RANBP2: variants seen among roughly 807,000 people sequenced by gnomAD.
RANBP2 encodes the protein RAN binding protein 2.
In RANBP2, 57 loss-of-function variants were observed where a neutral mutation model predicts 303.6. The ratio of observed to expected loss-of-function variants is 0.19; its 90% CI spans 0.15 to 0.23. The LOEUF (loss-of-function observed/expected upper bound fraction) is 0.23, where lower values mean the gene tolerates loss of function less well. Ranked by LOEUF, RANBP2 falls within the 10% of genes least tolerant of loss-of-function variation. RANBP2 has a pLI of 1.00. For synonymous variants in RANBP2, 1,167 were observed against 1,301.5 expected, an observed-to-expected ratio of 0.90 and a Z score of 2.23; for missense variants, 3,138 against 3,780.8, an observed-to-expected ratio of 0.83 and a Z score of 4.46.
the RANBP2 span, among the ~76,000 whole-genome samples, chr2:109,491,766 G>GT: frequency 6.6e-6 from 1 of 152,188 alleles, no homozygotes; most frequent in African/African-American, 2.4e-5. Flanking sequence ...CCTACACATT[G>GT]TAACATTGCT....
the RANBP2 span, among the ~76,000 whole-genome samples, chr2:109,428,229 G>A: frequency 1.3e-5 from 2 of 152,354 alleles, no homozygotes; most frequent in African/African-American, 2.4e-5. Flanking sequence ...TTTAGAAGAC[G>A]TATGAGCAAG....
the RANBP2 span, among the ~76,000 whole-genome samples, chr2:108,900,571 A>AAAAAAAAAAAAAC: frequency 2.0e-5 from 3 of 147,416 alleles, no homozygotes; most frequent in Admixed American, 6.7e-5. Context: ...AAAAAAAAAA[A>AAAAAAAAAAAAAC]AACAAAAAAC....
At chr2:108,969,661 A>G in the RANBP2 span, among the ~76,000 whole-genome samples, 1 of 152,244 alleles carries the variant, frequency 6.6e-6, no homozygotes, top group African/African-American at 2.4e-5. Flanking sequence ...TAAAGAAAAG[A>G]TATTTATTAA....
the RANBP2 span, chr2:108,805,125 T>C: frequency 2.2e-6 from 1 of 446,914 alleles, no homozygotes; most frequent in Non-Finnish European, 3.8e-6. Context: ...TGGATTACAT[T>C]TGTTAGCTTT....
At chr2:109,094,794 C>T in the RANBP2 span, among the ~76,000 whole-genome samples, 1 of 152,126 alleles carries the variant, frequency 6.6e-6, no homozygotes, top group Admixed American at 6.5e-5. Context: ...CATGTCATTG[C>T]ACTCCAGCCT....
At chr2:109,406,930 G>A in the RANBP2 span, among the ~76,000 whole-genome samples, 21 of 152,362 alleles carry the variant, frequency 1.4e-4, no homozygotes, top group South Asian at 8.3e-4. Flanking sequence ...GTCCCCAGGT[G>A]CCACTTCCCT....
chr2:109,138,826 G>T, the RANBP2 span, among the ~76,000 whole-genome samples: 4 of 152,200 alleles, frequency 2.6e-5, no homozygotes, highest in African/African-American at 9.6e-5. Context: ...CCACACATAT[G>T]TACTGACTGC....
At chr2:108,900,089 A>G in the RANBP2 span, among the ~76,000 whole-genome samples, 2 of 152,238 alleles carry the variant, frequency 1.3e-5, no homozygotes, top group South Asian at 4.1e-4. Context: ...TAAAATCAAA[A>G]TGTATCACTC....
intron 19 of RANBP2, 121 bp from the exon 20 acceptor site, chr2:108,763,116 T>C: frequency 8.6e-7 from 1 of 1,156,124 alleles, no homozygotes; most frequent in Non-Finnish European, 1.3e-6. Flanking sequence ...GTGTACTACA[T>C]CCCCTAATGA....
chr2:109,482,294 A>T, the RANBP2 span, among the ~76,000 whole-genome samples: 1 of 152,164 alleles, frequency 6.6e-6, no homozygotes, highest in Non-Finnish European at 1.5e-5. Flanking sequence ...AATAATTATC[A>T]TTATATTTAG....
At chr2:109,189,382 C>CTTT in the RANBP2 span, among the ~76,000 whole-genome samples, 1 of 104,288 alleles carries the variant, frequency 9.6e-6, no homozygotes, top group Non-Finnish European at 2.1e-5. Context: ...TTTTTTTTTT[C>CTTT]TTTTTTTTGA....
At chr2:109,643,575 C>T in the RANBP2 span, among the ~76,000 whole-genome samples, 4 of 151,806 alleles carry the variant, frequency 2.6e-5, no homozygotes, top group Non-Finnish European at 5.9e-5. Context: ...GCCTGGCCAA[C>T]GTGGTGAAAC....
the RANBP2 span, among the ~76,000 whole-genome samples, chr2:109,037,344 AAGAAC>A: frequency 6.7e-6 from 1 of 149,326 alleles, no homozygotes; most frequent in East Asian, 2.1e-4. Context: ...AAAAAAAAAA[AAGAAC>A]CAAATACTTA....
the RANBP2 span, among the ~76,000 whole-genome samples, chr2:109,644,207 C>T: frequency 8.1e-5 from 12 of 148,996 alleles, no homozygotes; most frequent in South Asian, 1.5e-3. Flanking sequence ...CTCCGGAGGC[C>T]GAGGCAGGAG....
chr2:109,499,296 A>G, the RANBP2 span, among the ~76,000 whole-genome samples: 2 of 151,714 alleles, frequency 1.3e-5, no homozygotes, highest in Admixed American at 1.3e-4. Context: ...TGCCAGGCCC[A>G]TCTCGGTGCT....
the RANBP2 span, among the ~76,000 whole-genome samples, chr2:109,077,363 G>A: frequency 1.3e-5 from 2 of 150,608 alleles, no homozygotes; most frequent in Admixed American, 1.3e-4. Context: ...ATGATGATCT[G>A]CTTCCACTTA....
chr2:109,326,830 G>T, the RANBP2 span, among the ~76,000 whole-genome samples: 1 of 152,216 alleles, frequency 6.6e-6, no homozygotes, highest in Non-Finnish European at 1.5e-5. Flanking sequence ...TCTCATGGGA[G>T]AGTATCCGTA....
the RANBP2 span, among the ~76,000 whole-genome samples, chr2:109,438,248 G>A: frequency 6.6e-6 from 1 of 152,188 alleles, no homozygotes; most frequent in Non-Finnish European, 1.5e-5. Flanking sequence ...ACCCAAGTGG[G>A]TGCAGGGTAG....
the RANBP2 span, among the ~76,000 whole-genome samples, chr2:109,413,184 A>G: frequency 6.6e-6 from 1 of 152,190 alleles, no homozygotes; most frequent in Admixed American, 6.5e-5. Context: ...GCGTGATCTC[A>G]GCTCACTGCA....
Sources: gnomAD v4.1 joint callset for allele counts (sites outside exome capture counted in the v4.1 genomes callset) on GRCh38, gnomAD v4.1.1 for gene constraint, MANE v1.5 for transcripts, NCBI Gene and HGNC (gene_info 2026-07-23, HGNC 2026-07-21) for gene names.